Variants in MAML3 observed in about 807,000 individuals in gnomAD.
The protein encoded by MAML3 is mastermind-like protein 3.
A neutral mutation model predicts 101.9 loss-of-function variants in MAML3; 27 were observed. The observed-to-expected ratio is 0.27, with a 90% CI of 0.20 to 0.37. MAML3 has a LOEUF of 0.37. Among genes scored for constraint, MAML3 ranks in the 10% least tolerant of loss-of-function variants. The pLI is 1.00. For synonymous variants in MAML3, 501 were observed against 555.9 expected (o/e 0.90, Z 1.39); for missense variants, 1,316 against 1,444.9 (o/e 0.91, Z 1.45).
At chr4:139,991,094 G>A (rs941447895) in intron 1 of MAML3, among the ~76,000 whole-genome samples, 1 of 152,278 alleles carries the variant, frequency 6.6e-6, no homozygotes, top group Admixed American at 6.5e-5. Context: ...GCATCTCCAA[G>A]TCAATCCTAA....
At chr4:139,969,857 AGT>A (rs1338625112) in intron 1 of MAML3, among the ~76,000 whole-genome samples, 1 of 152,224 alleles carries the variant, frequency 6.6e-6, no homozygotes, top group Non-Finnish European at 1.5e-5. Context: ...CTCACAAAAA[AGT>A]GTTTCCAAGG....
intron 4 of MAML3, among the ~76,000 whole-genome samples, chr4:139,722,843 A>T (rs768380470): frequency 7.2e-5 from 11 of 152,246 alleles, no homozygotes; most frequent in Non-Finnish European, 1.3e-4. Context: ...TCCCAGATGC[A>T]TAACATCATG....
rs28474991 is a variant in MAML3 at position 139,902,072 on chromosome 4, G to A, written c.469-11105C>T. ...AGTATTGAAATAAGATCTCTTACTC[G>A]ATAAAAAGCCTCGTGTTTCCCTCAA... On this transcript the variant is annotated intron_variant, in intron 1 of 4. Transcript: ENST00000509479. 2.9e-3 allele frequency among the ~76,000 whole-genome samples: 448 copies of A among 152,160 alleles called. 1 individual carries two copies. The highest frequency in any genetic ancestry group is 9.6e-3 in the African/African-American group (400 of 41,502).
At chr4:139,807,923 C>T (rs1730727802) in intron 2 of MAML3, among the ~76,000 whole-genome samples, 1 of 152,204 alleles carries the variant, frequency 6.6e-6, no homozygotes, top group African/African-American at 2.4e-5. Flanking sequence ...TGAATTTTAG[C>T]TTAGCAAGTT....
intron 2 of MAML3, among the ~76,000 whole-genome samples, chr4:139,783,575 C>T (rs115441422): frequency 6.6e-6 from 1 of 152,354 alleles, no homozygotes; most frequent in African/African-American, 2.4e-5. Flanking sequence ...TGGACTCCAA[C>T]GTGCTGAAAG....
At chr4:139,892,651 A>G (rs1732523822) in intron 1 of MAML3, among the ~76,000 whole-genome samples, 1 of 151,772 alleles carries the variant, frequency 6.6e-6, no homozygotes, top group African/African-American at 2.4e-5. Context: ...TAACTCTGCA[A>G]TGATTTCCAC....
intron 2 of MAML3, among the ~76,000 whole-genome samples, chr4:139,841,423 C>T (rs907915073): frequency 2.6e-5 from 4 of 152,186 alleles, no homozygotes; most frequent in East Asian, 1.9e-4. Flanking sequence ...AATAATCAAA[C>T]GAAGAAAAGA....
intron 1 of MAML3, among the ~76,000 whole-genome samples, chr4:140,081,816 A>G (rs2110969061): frequency 6.6e-6 from 1 of 152,296 alleles, no homozygotes; most frequent in South Asian, 2.1e-4. Flanking sequence ...CTTCCCATCA[A>G]AGGCCACTGT....
intron 1 of MAML3, among the ~76,000 whole-genome samples, chr4:140,011,232 G>GAATATATATATATATATATATA (rs1560865855): frequency 3.5e-5 from 1 of 28,506 alleles, no homozygotes; most frequent in Non-Finnish European, 2.2e-4. Context: ...TATAAAGTGT[G>GAATATATATATATATATATATA]CATATATATA....
chr4:139,820,914 T>G (rs1730961830), intron 2 of MAML3, among the ~76,000 whole-genome samples: 1 of 152,152 alleles, frequency 6.6e-6, no homozygotes. Flanking sequence ...GTAGAATCAG[T>G]AGGTCAAGGA....
chr4:140,021,904 C>T (rs1418261078), intron 1 of MAML3, among the ~76,000 whole-genome samples: 7 of 152,178 alleles, frequency 4.6e-5, no homozygotes, highest in South Asian at 2.1e-4. Context: ...CACTTTTCTA[C>T]GTGTCAGGTG....
At chr4:140,149,063 T>C (rs553248227) in intron 1 of MAML3, among the ~76,000 whole-genome samples, 52 of 152,326 alleles carry the variant, frequency 3.4e-4, no homozygotes, top group South Asian at 8.3e-4. Flanking sequence ...TACTTGTCAA[T>C]TGAAATTTGC....
At chr4:140,130,121 G>GA (rs1036518075) in intron 1 of MAML3, among the ~76,000 whole-genome samples, 2 of 152,074 alleles carry the variant, frequency 1.3e-5, no homozygotes, top group African/African-American at 2.4e-5. Flanking sequence ...GTTAACTTGG[G>GA]AAAAAAACCT....
At chr4:139,756,381 G>C (rs982420597) in intron 2 of MAML3, among the ~76,000 whole-genome samples, 1 of 152,146 alleles carries the variant, frequency 6.6e-6, no homozygotes, top group Non-Finnish European at 1.5e-5. Context: ...ACTAAAACCA[G>C]TAGTATACTG....
chr4:139,956,660 TG>T, intron 1 of MAML3, among the ~76,000 whole-genome samples: 1 of 152,296 alleles, frequency 6.6e-6, no homozygotes, highest in East Asian at 1.9e-4. Flanking sequence ...ACTCCACCCC[TG>T]CACAAAGCGA....
At chr4:139,899,261 T>C (rs907860085) in intron 1 of MAML3, among the ~76,000 whole-genome samples, 8 of 152,132 alleles carry the variant, frequency 5.3e-5, no homozygotes, top group Non-Finnish European at 7.3e-5. Context: ...CCTGAGTTGA[T>C]TGGTGATACT....
intron 2 of MAML3, among the ~76,000 whole-genome samples, chr4:139,814,494 G>A (rs1189713914): frequency 6.6e-6 from 1 of 152,192 alleles, no homozygotes; most frequent in Non-Finnish European, 1.5e-5. Context: ...GCCATCCCGA[G>A]AGGGTTTCCT....
chr4:139,892,183 C>T (rs1732513007), intron 1 of MAML3, among the ~76,000 whole-genome samples: 1 of 152,208 alleles, frequency 6.6e-6, no homozygotes, highest in Admixed American at 6.5e-5. Flanking sequence ...TAGTGCTCAG[C>T]TCCACTAAAT....
At chr4:139,995,646 T>C (rs1401282099) in intron 1 of MAML3, among the ~76,000 whole-genome samples, 1 of 152,192 alleles carries the variant, frequency 6.6e-6, no homozygotes, top group Non-Finnish European at 1.5e-5. Context: ...TACCATATAA[T>C]TATTTTAAAT....
Sources: gnomAD v4.1 joint callset for allele counts (sites outside exome capture counted in the v4.1 genomes callset) on GRCh38, gnomAD v4.1.1 for gene constraint, MANE v1.5 for transcripts, NCBI Gene and HGNC (gene_info 2026-07-23, HGNC 2026-07-21) for gene names.